JMY: variants seen among roughly 807,000 people sequenced by gnomAD.
The protein encoded by JMY is junction-mediating and -regulatory protein.
JMY carries 46 observed loss-of-function variants against 103.3 expected under a neutral mutation model. The observed-to-expected ratio is 0.45, with a 90% CI of 0.35 to 0.57. The LOEUF (loss-of-function observed/expected upper bound fraction) is 0.57. Ranked by LOEUF, JMY falls within the 20% of genes least tolerant of loss-of-function variation. The probability of loss-of-function intolerance (pLI) is 0.00; values close to 1 mark genes in which losing one functional copy is unlikely to be tolerated. For synonymous variants in JMY, 526 were observed against 489.3 expected (o/e 1.07, Z -0.99); for missense variants, 1,238 against 1,255.2 (o/e 0.99, Z 0.21).
Position 79,314,497 on chromosome 5 carries a change from A to G in JMY, c.2305A>G (p.Thr769Ala), listed in dbSNP as rs1375512411. The G allele has an allele frequency of 6.8e-6, 11 of 1,613,712 alleles. No homozygotes were observed. The highest frequency in any genetic ancestry group is 2.2e-5 in the East Asian group (1 of 44,894). The change falls in exon 9 of 11, where the codon ACC (threonine) becomes GCC (alanine). Residue 769 changes from threonine (T) to alanine (A), a missense_variant. Coordinates refer to ENST00000396137, the MANE Select transcript of JMY (RefSeq NM_152405.5). ...EDTSLTQLEATSLPLSGVTSE... is the reference protein window; with the variant it reads ...EDTSLTQLEAASLPLSGVTSE... ...TACTTCATTAACACAACTTGAAGCC[A>G]CCTCATTACCTCTCAGTGGTGTTAC...
Position 79,291,166 on chromosome 5 carries a change from T to C in JMY, c.1394T>C (p.Phe465Ser), listed in dbSNP as rs1254583627. The C allele has an allele frequency of 3.1e-6, 5 of 1,609,406 alleles. No individual in the cohort carries two copies. The Admixed American group carries it at 6.8e-5, about 22-fold the overall frequency. ...YDRMRADQKK[F>S]GKASWAAAAE... ...CGAATGCGAGCTGATCAGAAGAAAT[T>C]TGGTAAAGCATCATGGGCAGCGGCT... Residue 465 changes from phenylalanine (F) to serine (S), a missense_variant, in exon 4 of 11, where the codon TTT (phenylalanine) becomes TCT (serine). Phe to Ser is a radical substitution (Grantham distance 155). Coordinates refer to ENST00000396137, the MANE Select transcript of JMY (RefSeq NM_152405.5).
chr5:79,261,471 C>G (rs1325263938), intron 1 of JMY, among the ~76,000 whole-genome samples: 1 of 152,054 alleles, frequency 6.6e-6, no homozygotes, highest in African/African-American at 2.4e-5. Context: ...ACAGGAAGAT[C>G]ACTTAAGCCC....
Position 79,314,291 on chromosome 5 carries a change from G to C in JMY, c.2099G>C (p.Arg700Thr). ...YPGQVILKST[R>T]LRLAHARRKG... is the part of the protein sequence containing the mutation. The stretch of plus-strand genomic sequence containing the variant: ...GGGCAAGTCATACTTAAATCAACCA[G>C]ATTACGACTAGCTCATGCAAGAAGA... Residue 700 changes from arginine to threonine, a missense_variant, in exon 9 of 11, where the codon AGA becomes ACA. Transcript: ENST00000396137. 6.2e-7 allele frequency: 1 copy of C among 1,613,858 alleles called. No homozygotes were observed. The highest frequency in any genetic ancestry group is 8.5e-7 in the Non-Finnish European group (1 of 1,179,856).
At position 79,313,889 on chromosome 5, in the gene JMY, C is replaced by T. The variant is rs1213376156; in HGVS notation, c.2065-368C>T. On this transcript the variant is annotated intron_variant, in intron 8 of 10. Transcript: ENST00000396137. ...ACATAACATTTTTGAGATGGAATCT[C>T]ACTCTGTCACTCAGGCTGGAGTGCG... Among the ~76,000 whole-genome samples, 8 of 152,278 alleles carry T rather than the reference C, an allele frequency of 5.3e-5. No individual in the cohort carries two copies. The East Asian group carries it at 7.7e-4, about 15-fold the overall frequency.
chr5:79,267,125 A>G (rs141025161), intron 1 of JMY, among the ~76,000 whole-genome samples: 2 of 152,244 alleles, frequency 1.3e-5, no homozygotes, highest in African/African-American at 4.8e-5. Context: ...AACATTTTGC[A>G]TTGGTGTGGT....
chr5:79,253,966 A>C (rs1745165218), intron 1 of JMY, among the ~76,000 whole-genome samples: 1 of 143,982 alleles, frequency 6.9e-6, no homozygotes. Flanking sequence ...TTTTTTTTTA[A>C]AGACAGAGTC....
chr5:79,250,650 C>CTTTTTTTTTTTTTTTTT (rs200738584), intron 1 of JMY, among the ~76,000 whole-genome samples: 1 of 122,736 alleles, frequency 8.1e-6, no homozygotes, highest in Non-Finnish European at 1.7e-5. Context: ...AATTATTTTT[C>CTTTTTTTTTTTTTTTTT]TTTTTTTTTT....
intron 1 of JMY, among the ~76,000 whole-genome samples, chr5:79,277,402 G>A (rs1317215634): frequency 6.6e-6 from 1 of 151,876 alleles, no homozygotes; most frequent in Non-Finnish European, 1.5e-5. Flanking sequence ...CGAGGCGGGT[G>A]GCTGTCTTGA....
At chr5:79,290,073 G>A in intron 2 of JMY, 48 bp from the exon 3 acceptor site, 6 of 1,400,780 alleles carry the variant, frequency 4.3e-6, no homozygotes, top group Non-Finnish European at 5.8e-6. Flanking sequence ...TGAGGAATGA[G>A]TAGAAGAAAG....
intron 1 of JMY, among the ~76,000 whole-genome samples, chr5:79,265,430 C>G (rs1456277857): frequency 2.6e-5 from 4 of 152,106 alleles, no homozygotes; most frequent in Admixed American, 6.6e-5. Flanking sequence ...AATTCAGAGT[C>G]CCATTCTGCA....
At chr5:79,296,831 C>A (rs943346937) in intron 4 of JMY, among the ~76,000 whole-genome samples, 1 of 152,180 alleles carries the variant, frequency 6.6e-6, no homozygotes, top group African/African-American at 2.4e-5. Context: ...AGAACAAGGG[C>A]ATAATTCATT....
Position 79,291,176 on chromosome 5 carries a change from A to G in JMY, c.1404A>G (p.Ala468=), listed in dbSNP as rs1260229735. 1.2e-6 allele frequency: 2 copies of G among 1,612,544 alleles called. No individual in the cohort carries two copies. The highest frequency in any genetic ancestry group is 4.5e-5 in the East Asian group (2 of 44,880). ...MRADQKKFGK[A]SWAAAAERME... is the part of the protein sequence containing the mutation. The stretch of plus-strand genomic sequence containing the variant: ...CTGATCAGAAGAAATTTGGTAAAGC[A>G]TCATGGGCAGCGGCTGCTGAACGGA... The change falls in exon 4 of 11, where the codon GCA becomes GCG. Residue 468 remains alanine, a synonymous_variant. Coordinates refer to ENST00000396137, the MANE Select transcript of JMY (RefSeq NM_152405.5).
intron 1 of JMY, among the ~76,000 whole-genome samples, chr5:79,253,107 A>T (rs1484145598): frequency 6.6e-6 from 1 of 152,100 alleles, no homozygotes; most frequent in Admixed American, 6.5e-5. Flanking sequence ...TGAGGTTACC[A>T]TGAAGCTTGC....
chr5:79,290,840 G>A (rs978785259), intron 3 of JMY, among the ~76,000 whole-genome samples: 1 of 152,106 alleles, frequency 6.6e-6, no homozygotes, highest in African/African-American at 2.4e-5. Context: ...ACAAAAATTA[G>A]CCGGGCATGG....
chr5:79,277,419 G>C (rs950635518), intron 1 of JMY, among the ~76,000 whole-genome samples: 1 of 151,518 alleles, frequency 6.6e-6, no homozygotes, highest in African/African-American at 2.4e-5. Flanking sequence ...TTGAGCCAAG[G>C]AGTTCAAGAC....
intron 1 of JMY, among the ~76,000 whole-genome samples, chr5:79,273,761 T>G (rs1745851757): frequency 6.6e-6 from 1 of 152,178 alleles, no homozygotes; most frequent in South Asian, 2.1e-4. Context: ...TAGTGAGACC[T>G]CATCTCGGGT....
chr5:79,292,449 G>A (rs1746449453), intron 4 of JMY, among the ~76,000 whole-genome samples: 3 of 151,544 alleles, frequency 2.0e-5, no homozygotes, highest in Admixed American at 6.6e-5. Flanking sequence ...TGAGTAGCAG[G>A]CACGCACCCC....
At chr5:79,240,458 C>T (rs1283408755) in intron 1 of JMY, among the ~76,000 whole-genome samples, 1 of 152,002 alleles carries the variant, frequency 6.6e-6, no homozygotes, top group East Asian at 1.9e-4. Context: ...TTACAGTCGC[C>T]GCTACCATGC....
At chr5:79,245,280 G>A (rs1744854835) in intron 1 of JMY, among the ~76,000 whole-genome samples, 1 of 152,080 alleles carries the variant, frequency 6.6e-6, no homozygotes, top group South Asian at 2.1e-4. Context: ...ATAGGCACTG[G>A]GAAAATGCAG....
Sources: gnomAD v4.1 joint callset for allele counts (sites outside exome capture counted in the v4.1 genomes callset) on GRCh38, gnomAD v4.1.1 for gene constraint, MANE v1.5 for transcripts, NCBI Gene and HGNC (gene_info 2026-07-23, HGNC 2026-07-21) for gene names.